The following MAGI2 variants were observed in gnomAD, a reference collection of about 807,000 sequenced individuals.
MAGI2 encodes the protein membrane associated guanylate kinase, WW and PDZ domain containing 2.
A neutral mutation model predicts 133.3 loss-of-function variants in MAGI2; 35 were observed. That is an observed-to-expected ratio of 0.26 (90% CI 0.20 to 0.35). The LOEUF (loss-of-function observed/expected upper bound fraction) is 0.35, where lower values mean the gene tolerates loss of function less well. Ranked by LOEUF, MAGI2 falls within the 10% of genes least tolerant of loss-of-function variation. The pLI, the probability that MAGI2 is intolerant of heterozygous loss-of-function variation, is 1.00. For missense variants in MAGI2, 1,636 were observed against 1,863.4 expected, an observed-to-expected ratio of 0.88 and a Z score of 2.25; for synonymous variants, 729 against 710.6, an observed-to-expected ratio of 1.03 and a Z score of -0.41.
At position 78,019,799 on chromosome 7, in the gene MAGI2, C is replaced by T. The variant is rs1308217872; in HGVS notation, c.3884G>A (p.Arg1295Lys). The T allele has an allele frequency of 6.2e-7, 1 of 1,613,302 alleles. No individual in the cohort carries two copies. Among genetic ancestry groups the T allele is most frequent in the Non-Finnish European group, 8.5e-7 (1 of 1,179,900 alleles). ...GCAGGCTGAAAGCTCCTTTGGTTTC[C>T]TAACGTCGTGTTCCCGTTTGATATC... is the stretch of plus-strand genomic sequence containing the variant. Reference protein sequence around the residue: ...TWDIKREHDVRKPKELSACGQ... With the variant: ...TWDIKREHDVKKPKELSACGQ... Residue 1295 changes from arginine to lysine, a missense_variant, in exon 22 of 22, where the codon AGG becomes AAG. Physicochemically the swap from Arg to Lys is conservative, Grantham distance 26 (BLOSUM62 2). Transcript: ENST00000354212.
intron 1 of MAGI2, among the ~76,000 whole-genome samples, chr7:79,112,556 A>G (rs1443940458): frequency 6.6e-6 from 1 of 152,214 alleles, no homozygotes; most frequent in Non-Finnish European, 1.5e-5. Context: ...GCAGATGTCA[A>G]TGAAAAAACT....
intron 2 of MAGI2, among the ~76,000 whole-genome samples, chr7:78,847,580 C>T (rs992326273): frequency 3.3e-5 from 5 of 151,894 alleles, no homozygotes; most frequent in African/African-American, 7.3e-5. Context: ...ACAAATGATT[C>T]GAGGTACAAC....
intron 18 of MAGI2, among the ~76,000 whole-genome samples, chr7:78,131,662 T>C (rs529681425): frequency 6.6e-6 from 1 of 152,350 alleles, no homozygotes; most frequent in African/African-American, 2.4e-5. Context: ...GTCTTCATCT[T>C]TCTCTTTAAT....
chr7:78,368,855 T>G (rs1793642155), intron 7 of MAGI2, among the ~76,000 whole-genome samples: 1 of 152,202 alleles, frequency 6.6e-6, no homozygotes, highest in African/African-American at 2.4e-5. Flanking sequence ...TCCCAACATT[T>G]TGATTGCAAA....
intron 1 of MAGI2, among the ~76,000 whole-genome samples, chr7:79,298,911 C>T (rs1837160524): frequency 6.6e-6 from 1 of 152,114 alleles, no homozygotes; most frequent in Admixed American, 6.5e-5. Flanking sequence ...TCAGAAGAAA[C>T]CAACCCTATT....
intron 2 of MAGI2, among the ~76,000 whole-genome samples, chr7:78,957,562 G>A (rs142215484): frequency 2.6e-5 from 4 of 152,052 alleles, no homozygotes; most frequent in East Asian, 1.9e-4. Context: ...TATAATAAGA[G>A]CTTAGCTTTC....
intron 1 of MAGI2, among the ~76,000 whole-genome samples, chr7:79,160,164 A>C (rs965700833): frequency 3.3e-5 from 5 of 152,136 alleles, no homozygotes; most frequent in African/African-American, 1.2e-4. Context: ...GTTACTGAAA[A>C]GTTAAAATAG....
intron 2 of MAGI2, among the ~76,000 whole-genome samples, chr7:78,808,047 T>C (rs1788732393): frequency 2.6e-5 from 4 of 152,144 alleles, no homozygotes; most frequent in Non-Finnish European, 5.9e-5. Flanking sequence ...TTTCGGGTCT[T>C]GAGCTGTTAA....
At chr7:79,371,086 A>T (rs1199069874) in intron 1 of MAGI2, among the ~76,000 whole-genome samples, 2 of 152,116 alleles carry the variant, frequency 1.3e-5, no homozygotes, top group African/African-American at 4.8e-5. Flanking sequence ...CAGTTTTTTA[A>T]GGAAGTCTTC....
At chr7:79,294,886 C>T (rs535894035) in intron 1 of MAGI2, among the ~76,000 whole-genome samples, 1 of 151,410 alleles carries the variant, frequency 6.6e-6, no homozygotes, top group South Asian at 2.1e-4. Context: ...CCCGCCACCA[C>T]TCCCGGCTAA....
chr7:78,850,621 T>C lies in MAGI2; in HGVS notation c.418+156469A>G, dbSNP rs555540617. ...CTTACTTCCTTGAAATTTTGAGTTTTTCCTGGATACTCCTGTAGTATCATC... is the reference window on the plus strand; with the variant it reads ...CTTACTTCCTTGAAATTTTGAGTTTCTCCTGGATACTCCTGTAGTATCATC... On this transcript the variant is annotated intron_variant, in intron 2 of 21. Coordinates refer to ENST00000354212, the MANE Select transcript of MAGI2 (RefSeq NM_012301.4). Among the ~76,000 whole-genome samples, 43 of 152,166 alleles carry C rather than the reference T, an allele frequency of 2.8e-4. 1 individual carries two copies. The South Asian group carries it at 7.5e-3, about 26-fold the overall frequency.
chr7:78,592,406 C>G (rs1804104929), intron 3 of MAGI2, among the ~76,000 whole-genome samples: 2 of 150,412 alleles, frequency 1.3e-5, no homozygotes, highest in African/African-American at 2.5e-5. Flanking sequence ...CATTCAGTAT[C>G]TGTCCCAACT....
At chr7:78,294,989 T>TAAAG (rs1221401150) in intron 9 of MAGI2, among the ~76,000 whole-genome samples, 2 of 152,192 alleles carry the variant, frequency 1.3e-5, no homozygotes, top group Non-Finnish European at 2.9e-5. Flanking sequence ...ATATTATTTT[T>TAAAG]AAAGATAAGG....
At chr7:78,180,666 G>T (rs1827103696) in intron 13 of MAGI2, among the ~76,000 whole-genome samples, 1 of 152,090 alleles carries the variant, frequency 6.6e-6, no homozygotes, top group Non-Finnish European at 1.5e-5. Context: ...TTCAAACATA[G>T]GGTGGTATGT....
intron 1 of MAGI2, among the ~76,000 whole-genome samples, chr7:79,188,559 T>C (rs1827374197): frequency 6.6e-6 from 1 of 151,854 alleles, no homozygotes; most frequent in Non-Finnish European, 1.5e-5. Context: ...AGGTCTTTGC[T>C]GTTGTGAACA....
intron 6 of MAGI2, among the ~76,000 whole-genome samples, chr7:78,392,417 GT>G (rs1244160423): frequency 6.6e-6 from 1 of 152,076 alleles, no homozygotes; most frequent in Non-Finnish European, 1.5e-5. Context: ...CAAAAGTGGT[GT>G]TTGTAAATTT....
intron 2 of MAGI2, among the ~76,000 whole-genome samples, chr7:78,653,333 C>T (rs1811778504): frequency 6.6e-6 from 1 of 152,176 alleles, no homozygotes. Context: ...GATATATGCA[C>T]ATGTATGTTT....
chr7:78,726,919 G>T (rs531209848), intron 2 of MAGI2, among the ~76,000 whole-genome samples: 5 of 144,144 alleles, frequency 3.5e-5, no homozygotes, highest in African/African-American at 5.0e-5. Flanking sequence ...AGATGCATGG[G>T]TTTTTTTTTT....
intron 6 of MAGI2, among the ~76,000 whole-genome samples, chr7:78,380,932 C>T (rs1451515217): frequency 6.6e-6 from 1 of 152,020 alleles, no homozygotes; most frequent in Non-Finnish European, 1.5e-5. Context: ...AATTTTAAAA[C>T]CTAAAATGGG....
Sources: gnomAD v4.1 joint callset for allele counts (sites outside exome capture counted in the v4.1 genomes callset) on GRCh38, gnomAD v4.1.1 for gene constraint, MANE v1.5 for transcripts, NCBI Gene and HGNC (gene_info 2026-07-23, HGNC 2026-07-21) for gene names.